Variants in SYNPO2 observed in about 807,000 individuals in gnomAD.
SYNPO2 encodes synaptopodin 2, also known as synaptopodin-2.
A neutral mutation model predicts 85.0 loss-of-function variants in SYNPO2; 56 were observed. The observed-to-expected ratio is 0.66, with a 90% CI of 0.53 to 0.82. The LOEUF is 0.82. Among genes scored for constraint, SYNPO2 ranks in the 40% least tolerant of loss-of-function variants. The pLI, the probability that SYNPO2 is intolerant of heterozygous loss-of-function variation, is 0.00. For missense variants in SYNPO2, 1,575 were observed against 1,534.2 expected, an observed-to-expected ratio of 1.03 and a Z score of -0.44; for synonymous variants, 602 against 591.1, an observed-to-expected ratio of 1.02 and a Z score of -0.27.
At chr4:118,996,331 A>AC (rs1736592975) in intron 1 of SYNPO2, among the ~76,000 whole-genome samples, 2 of 151,898 alleles carry the variant, frequency 1.3e-5, no homozygotes, top group African/African-American at 4.8e-5. Context: ...ATGATCAGCC[A>AC]CCCCCTTCGT....
chr4:119,037,571 A>G, intron 4 of SYNPO2: 1 of 989,528 alleles, frequency 1.0e-6, no homozygotes, highest in Non-Finnish European at 1.2e-6. Context: ...TTTTGGTTCA[A>G]GTCAGGATGA....
At chr4:119,008,282 C>T (rs963409014) in intron 1 of SYNPO2, among the ~76,000 whole-genome samples, 1 of 152,114 alleles carries the variant, frequency 6.6e-6, no homozygotes, top group Non-Finnish European at 1.5e-5. Flanking sequence ...AGTCCAATTG[C>T]CAGTTCTTCC....
intron 1 of SYNPO2, among the ~76,000 whole-genome samples, chr4:118,952,733 C>A (rs564790835): frequency 2.6e-5 from 4 of 152,180 alleles, no homozygotes; most frequent in East Asian, 3.9e-4. Context: ...CTAGATAGAA[C>A]AATTTAGCAC....
intron 1 of SYNPO2, among the ~76,000 whole-genome samples, chr4:119,017,639 A>G (rs900588477): frequency 4.6e-5 from 7 of 152,128 alleles, no homozygotes; most frequent in Admixed American, 2.0e-4. Context: ...CTGAGACTTC[A>G]TCATATGGAT....
intron 1 of SYNPO2, among the ~76,000 whole-genome samples, chr4:118,987,274 C>T (rs1023388852): frequency 6.6e-6 from 1 of 152,196 alleles, no homozygotes; most frequent in African/African-American, 2.4e-5. Context: ...AGCTAAGGAA[C>T]ATCAAGGAGA....
chr4:118,969,807 T>C (rs1735467843), intron 1 of SYNPO2, among the ~76,000 whole-genome samples: 1 of 152,066 alleles, frequency 6.6e-6, no homozygotes, highest in South Asian at 2.1e-4. Flanking sequence ...AGTTATTGTT[T>C]AAAACATGAA....
At chr4:118,922,244 T>C (rs1016828641) in intron 1 of SYNPO2, among the ~76,000 whole-genome samples, 9 of 152,098 alleles carry the variant, frequency 5.9e-5, no homozygotes, top group African/African-American at 2.2e-4. Context: ...GTTACCCTTT[T>C]TAATTATCGA....
intron 1 of SYNPO2, among the ~76,000 whole-genome samples, chr4:118,902,564 C>T (rs1316761807): frequency 1.3e-5 from 2 of 152,150 alleles, no homozygotes; most frequent in East Asian, 1.9e-4. Flanking sequence ...CTGGGTCCCT[C>T]CCATAACATG....
chr4:119,043,393 G>T (rs1444573744), intron 4 of SYNPO2: 1 of 152,112 alleles, frequency 6.6e-6, no homozygotes, highest in Admixed American at 6.5e-5. Context: ...TAATATTTTT[G>T]TAAATTCATC....
In SYNPO2 at chr4:119,060,685, G is replaced by A. The variant is rs1043656834; in HGVS notation, c.*2751G>A. 8.5e-5 allele frequency: 13 copies of A among 152,148 alleles called. No individual in the cohort carries two copies. The highest frequency in any genetic ancestry group is 1.0e-4 in the Non-Finnish European group (7 of 68,000). The allele number at this position is 152,148 out of a possible 1,614,324, so 9.4% of individuals were successfully genotyped here. On this transcript the variant is annotated 3_prime_UTR_variant, in exon 5 of 5. Coordinates refer to ENST00000307142, the MANE Select transcript of SYNPO2 (RefSeq NM_133477.3). ...TTGTTTGTTAGTATCAATCACATAG[G>A]TAGAAAGAGTTTGAGTTTTACTGTG...
chr4:118,884,630 G>C (rs540394277), upstream of SYNPO2, among the ~76,000 whole-genome samples: 1 of 152,192 alleles, frequency 6.6e-6, no homozygotes, highest in South Asian at 2.1e-4. Flanking sequence ...TATTCCACAC[G>C]GTCTCTAAGG....
intron 4 of SYNPO2, chr4:119,036,862 T>C: frequency 8.9e-7 from 1 of 1,128,264 alleles, no homozygotes; most frequent in Non-Finnish European, 1.1e-6. Flanking sequence ...AAATATCAAG[T>C]CCTGTCAAAC....
At position 119,032,302 on chromosome 4, in the gene SYNPO2, G is replaced by A. The variant is rs1000730437; in HGVS notation, c.3252+275G>A. On this transcript the variant is annotated intron_variant, in intron 4 of 4. Coordinates refer to ENST00000307142, the MANE Select transcript of SYNPO2 (RefSeq NM_133477.3). The stretch of plus-strand genomic sequence containing the variant: ...GAGCACCCCAAAATAGACATGTACC[G>A]TTATATTAAGTAAGCAGGAGACTTA... 1.3e-4 allele frequency: 175 copies of A among 1,346,228 alleles called. 2 individuals are homozygous for A. Among genetic ancestry groups the A allele is most frequent in the African/African-American group, 1.3e-3 (86 of 68,226 alleles). 83.4% of individuals were successfully genotyped at this position (1,346,228 alleles called of 1,614,324 possible).
chr4:119,010,616 T>C (rs1310110920), intron 1 of SYNPO2, among the ~76,000 whole-genome samples: 2 of 152,096 alleles, frequency 1.3e-5, no homozygotes, highest in Non-Finnish European at 2.9e-5. Context: ...AAGCCTTGCC[T>C]GCTATGTGCT....
intron 1 of SYNPO2, among the ~76,000 whole-genome samples, chr4:118,977,633 T>C (rs1339137648): frequency 1.3e-5 from 2 of 152,206 alleles, no homozygotes; most frequent in Non-Finnish European, 2.9e-5. Context: ...ACTAGCCTTG[T>C]GGGTGGGATC....
intron 1 of SYNPO2, among the ~76,000 whole-genome samples, chr4:118,889,546 T>C (rs1214716531): frequency 1.3e-5 from 2 of 152,184 alleles, no homozygotes; most frequent in Non-Finnish European, 2.9e-5. Context: ...CGACTTTGCT[T>C]GGCTATTTTG....
chr4:118,858,054 T>G (rs1731538259), intron 1 of SYNPO2, among the ~76,000 whole-genome samples: 1 of 152,188 alleles, frequency 6.6e-6, no homozygotes, highest in African/African-American at 2.4e-5. Flanking sequence ...CTACGTTGGT[T>G]CTCTTTATAT....
At chr4:119,053,760 C>A (rs1348951705) in intron 4 of SYNPO2, among the ~76,000 whole-genome samples, 1 of 151,714 alleles carries the variant, frequency 6.6e-6, no homozygotes, top group Non-Finnish European at 1.5e-5. Context: ...AAAAATAATT[C>A]CTCTCTTTCA....
chr4:119,035,623 A>G, intron 4 of SYNPO2: 1 of 985,342 alleles, frequency 1.0e-6, no homozygotes. Flanking sequence ...TGTTTTATTT[A>G]ATTTTCACAA....
Sources: gnomAD v4.1 joint callset for allele counts (sites outside exome capture counted in the v4.1 genomes callset) on GRCh38, gnomAD v4.1.1 for gene constraint, MANE v1.5 for transcripts, NCBI Gene and HGNC (gene_info 2026-07-23, HGNC 2026-07-21) for gene names.